The following ATPAF1 variants were observed in gnomAD, a reference collection of about 807,000 sequenced individuals.
ATPAF1 encodes ATP synthase mitochondrial F1 complex assembly factor 1.
In ATPAF1, 26 loss-of-function variants were observed where a neutral mutation model predicts 43.9. The ratio of observed to expected loss-of-function variants is 0.59; its 90% confidence interval spans 0.43 to 0.82. The LOEUF is 0.82. Ranked by LOEUF, ATPAF1 falls within the 40% of genes least tolerant of loss-of-function variation. The pLI is 0.00. For missense variants in ATPAF1, 366 were observed against 435.0 expected (o/e 0.84, Z 1.41); for synonymous variants, 157 against 168.0 (o/e 0.93, Z 0.50).
At chr1:46,654,552 ATTATTATTG>A (rs1344059090) in intron 4 of ATPAF1, among the ~76,000 whole-genome samples, 10 of 148,292 alleles carry the variant, frequency 6.7e-5, no homozygotes, top group East Asian at 2.0e-4. Context: ...TATTATTATT[ATTATTATTG>A]TACTTTAAGT....
rs558635939 is a variant in ATPAF1 at position 46,660,583 on chromosome 1, C to A, written c.376-1846G>T. 3.4e-4 allele frequency among the ~76,000 whole-genome samples: 52 copies of A among 152,102 alleles called. 1 individual carries two copies. Among genetic ancestry groups the A allele is most frequent in the African/African-American group, 1.1e-3 (44 of 41,476 alleles). ...ATAGCACAATATTTTCCTGTCATAT[C>A]AATTATAAGACAATTTTAGTGATGT... is the stretch of plus-strand genomic sequence containing the variant. On this transcript the variant is annotated intron_variant, in intron 2 of 8. Transcript: ENST00000574428.
downstream of ATPAF1, chr1:46,634,137 T>C (rs1675795727): frequency 3.3e-6 from 1 of 302,648 alleles, no homozygotes; most frequent in African/African-American, 2.2e-5. Context: ...GCTCAGAGAA[T>C]AGTGGGATGT....
chr1:46,666,260 G>T, intron 1 of ATPAF1: 1 of 171,666 alleles, frequency 5.8e-6, no homozygotes. Flanking sequence ...TCTCTGTAGT[G>T]GGCCGGCTCC....
chr1:46,666,716 A>G (rs771163211), intron 1 of ATPAF1, among the ~76,000 whole-genome samples: 1 of 152,224 alleles, frequency 6.6e-6, no homozygotes, highest in Admixed American at 6.5e-5. Flanking sequence ...AGATAAAACT[A>G]GAGAGAGACT....
intron 3 of ATPAF1, 122 bp downstream of exon 3, chr1:46,658,565 C>T (rs1220585554): frequency 2.9e-6 from 2 of 692,060 alleles, no homozygotes; most frequent in East Asian, 5.6e-5. Context: ...ACTTCTACAG[C>T]TGGAAAATCA....
chr1:46,640,685 A>C lies in ATPAF1; in HGVS notation c.792+2509T>G, dbSNP rs371848364. On this transcript the variant is annotated intron_variant, in intron 8 of 8. Transcript: ENST00000574428. ...AAAAAAAGAGTTTTTCCCCCTAATC[A>C]TTTAAAGAGGTAGAAAACATTCTTA... 2.3e-4 allele frequency among the ~76,000 whole-genome samples: 35 copies of C among 152,328 alleles called. 1 individual carries two copies. The South Asian group carries it at 7.2e-3, about 32-fold the overall frequency.
intron 6 of ATPAF1, among the ~76,000 whole-genome samples, chr1:46,645,833 C>T (rs2148817679): frequency 6.6e-6 from 1 of 152,262 alleles, no homozygotes; most frequent in Non-Finnish European, 1.5e-5. Context: ...CCTCCTTTTT[C>T]ATATTTTAAT....
At chr1:46,649,210 T>C (rs950341161) in intron 6 of ATPAF1, among the ~76,000 whole-genome samples, 2 of 152,150 alleles carry the variant, frequency 1.3e-5, no homozygotes, top group African/African-American at 2.4e-5. Context: ...ACTTTAATTT[T>C]TGTATACACT....
chr1:46,637,346 C>T (rs1675861467), intron 8 of ATPAF1, among the ~76,000 whole-genome samples: 1 of 152,140 alleles, frequency 6.6e-6, no homozygotes, highest in African/African-American at 2.4e-5. Context: ...TGCCAGCACA[C>T]TCCAGCCTGG....
At chr1:46,665,788 T>C in intron 1 of ATPAF1, 2 of 1,475,110 alleles carry the variant, frequency 1.4e-6, no homozygotes, top group East Asian at 2.5e-5. Context: ...AGGTTAAACA[T>C]CTGCTTTATT....
Position 46,668,333 on chromosome 1 carries a change from GCCT to G in ATPAF1, c.-14_-12del, listed in dbSNP as rs572685148. ...CACCACAGCAGCCATGGCCGCCCCC[GCCT>G]CCTCCTCCTCCTCAGGCGCGTCGGC... On this transcript the variant is annotated 5_prime_UTR_variant, in exon 1 of 9. Transcript: ENST00000574428. This position sits in a 1 kb window ranked among gnomAD's most constrained non-coding sequence, Gnocchi z 4.4. The G allele has an allele frequency of 3.7e-4, 500 of 1,350,856 alleles. No homozygotes were observed. Among genetic ancestry groups the G allele is most frequent in the South Asian group, 2.3e-3 (131 of 58,214 alleles). The allele number at this position is 1,350,856 out of a possible 1,614,324, so 83.7% of individuals were successfully genotyped here. A position where few individuals can be genotyped will look rare whatever the true frequency, so the allele number is the denominator to read the frequency against.
intron 8 of ATPAF1, among the ~76,000 whole-genome samples, chr1:46,639,770 G>A (rs1675913831): frequency 6.6e-6 from 1 of 152,004 alleles, no homozygotes; most frequent in Non-Finnish European, 1.5e-5. Context: ...ACACTACATC[G>A]GAACCTCACA....
At chr1:46,651,700 G>A (rs1314249437) in intron 6 of ATPAF1, among the ~76,000 whole-genome samples, 13 of 152,100 alleles carry the variant, frequency 8.5e-5, no homozygotes, top group African/African-American at 2.9e-4. Context: ...TTAAACTAAA[G>A]AGCTTCTGCA....
At chr1:46,636,164 T>C (rs1429178082) in intron 8 of ATPAF1, 194 bp from the exon 9 acceptor site, 11 of 685,742 alleles carry the variant, frequency 1.6e-5, no homozygotes, top group Non-Finnish European at 2.4e-5. Context: ...ACCACTGTCA[T>C]AGTATTTATC....
chr1:46,662,114 T>C (rs1676401010), intron 2 of ATPAF1, among the ~76,000 whole-genome samples: 1 of 151,976 alleles, frequency 6.6e-6, no homozygotes, highest in Admixed American at 6.6e-5. Flanking sequence ...CAGGATGGTC[T>C]CAATCTCCTG....
In ATPAF1 at chr1:46,659,778, C is replaced by T. The variant is rs554790221; in HGVS notation, c.376-1041G>A. Among the ~76,000 whole-genome samples, 11 of 152,224 alleles carry T rather than the reference C, an allele frequency of 7.2e-5. No homozygotes were observed. In the South Asian group the frequency reaches 2.3e-3, roughly 32 times the overall value. ...AAAACACTTTCTGCATAAAACCTTG[C>T]CTTTAGTCACTTTGTGCTTTAATTA... On this transcript the variant is annotated intron_variant, in intron 2 of 8. Transcript: ENST00000574428.
chr1:46,639,017 G>A (rs1675898156), intron 8 of ATPAF1, among the ~76,000 whole-genome samples: 1 of 152,116 alleles, frequency 6.6e-6, no homozygotes, highest in African/African-American at 2.4e-5. Flanking sequence ...TTCTTGTGCA[G>A]ACTATTGCAA....
chr1:46,654,646 T>C (rs1314169855), intron 4 of ATPAF1, among the ~76,000 whole-genome samples: 2 of 151,764 alleles, frequency 1.3e-5, no homozygotes, highest in Admixed American at 1.3e-4. Flanking sequence ...ACCCATCAAC[T>C]TGTCATTTAC....
intron 8 of ATPAF1, 135 bp downstream of exon 8, chr1:46,643,059 C>G (rs1391004581): frequency 1.0e-5 from 7 of 698,736 alleles, no homozygotes; most frequent in Non-Finnish European, 1.7e-5. Flanking sequence ...GACAACTTCA[C>G]TGTCAACTTT....
Sources: gnomAD v4.1 joint callset for allele counts (sites outside exome capture counted in the v4.1 genomes callset) on GRCh38, gnomAD v4.1.1 for gene constraint, Gnocchi (gnomAD v3.1) non-coding constraint, MANE v1.5 for transcripts, NCBI Gene and HGNC (gene_info 2026-07-23, HGNC 2026-07-21) for gene names.